Variants in ARSG observed in about 807,000 individuals in gnomAD.
ARSG encodes arylsulfatase G.
Under a neutral mutation model 50.5 loss-of-function variants are expected in ARSG, and 37 were observed. The ratio of observed to expected loss-of-function variants is 0.73; its 90% CI spans 0.56 to 0.96. The LOEUF is 0.96. Ranked by LOEUF, ARSG falls within the 50% of genes least tolerant of loss-of-function variation. ARSG has a pLI of 0.00. For missense variants in ARSG, 629 were observed against 675.3 expected (o/e 0.93, Z 0.76); for synonymous variants, 225 against 254.6 (o/e 0.88, Z 1.11).
chr17:68,357,354 C>T (rs1189675951), intron 6 of ARSG, among the ~76,000 whole-genome samples: 1 of 152,162 alleles, frequency 6.6e-6, no homozygotes, highest in African/African-American at 2.4e-5. Flanking sequence ...TCCTTCCTTG[C>T]CTTTTCCAGC....
At chr17:68,397,094 C>T (rs921353523) in intron 10 of ARSG, among the ~76,000 whole-genome samples, 2 of 152,212 alleles carry the variant, frequency 1.3e-5, no homozygotes, top group Non-Finnish European at 2.9e-5. Flanking sequence ...CATGTACTAA[C>T]TTCCTTTCTC....
chr17:68,284,998 C>T (rs73351335), intron 1 of ARSG, among the ~76,000 whole-genome samples: 28,642 of 152,158 alleles, frequency 0.19, 2,751 homozygotes, highest in Middle Eastern at 0.27. Context: ...CTATCAGGTG[C>T]CAGGTCCTCG....
chr17:68,450,585 C>A, the ARSG span: 2 of 1,123,212 alleles, frequency 1.8e-6, no homozygotes, highest in Non-Finnish European at 2.5e-6. Flanking sequence ...TTTACAATAC[C>A]CCCGGGACAC....
intron 1 of ARSG, among the ~76,000 whole-genome samples, chr17:68,260,193 A>G (rs555659702): frequency 3.3e-5 from 5 of 152,326 alleles, no homozygotes; most frequent in Non-Finnish European, 7.4e-5. Flanking sequence ...ATGAGGACAC[A>G]AGCCTGCAGC....
In ARSG at chr17:68,368,692, C is replaced by G; in HGVS notation, c.849C>G (p.Ile283Met). 1.2e-6 allele frequency: 2 copies of G among 1,614,022 alleles called. No individual in the cohort carries two copies. Among genetic ancestry groups the G allele is most frequent in the Non-Finnish European group, 1.7e-6 (2 of 1,179,990 alleles). Reference sequence around the variant, plus strand: ...AGATGGACAGTCTGGTGGGCCAGATCAAGGACAAAGTTGACCACACAGTGA... The same window carrying G: ...AGATGGACAGTCTGGTGGGCCAGATGAAGGACAAAGTTGACCACACAGTGA... The part of the protein sequence containing the change: ...LWEMDSLVGQ[I>M]KDKVDHTVKE... Residue 283 changes from isoleucine (I) to methionine (M), a missense_variant, in exon 7 of 12, where the codon ATC (isoleucine) becomes ATG (methionine). Coordinates refer to ENST00000621439, the MANE Select transcript of ARSG (RefSeq NM_001267727.2).
intron 9 of ARSG, among the ~76,000 whole-genome samples, chr17:68,389,825 C>T (rs1003649260): frequency 6.6e-6 from 1 of 152,070 alleles, no homozygotes; most frequent in Non-Finnish European, 1.5e-5. Flanking sequence ...GGATGCCTTC[C>T]ACCCCAGGGC....
intron 9 of ARSG, among the ~76,000 whole-genome samples, chr17:68,388,626 T>C (rs1403800290): frequency 1.3e-5 from 2 of 152,110 alleles, no homozygotes; most frequent in Non-Finnish European, 2.9e-5. Context: ...TGAAACAATC[T>C]TATTTGAAAA....
intron 2 of ARSG, among the ~76,000 whole-genome samples, chr17:68,318,434 G>A (rs1267262101): frequency 6.6e-6 from 1 of 152,236 alleles, no homozygotes; most frequent in African/African-American, 2.4e-5. Context: ...TCCTGGCTGG[G>A]TGGCTGGATT....
At position 68,343,489 on chromosome 17, in the gene ARSG, G is replaced by A. The variant is rs557907379; in HGVS notation, c.219-115G>A. ...CCATTTCCTGACTTGTTCCATGACT[G>A]GGTGATCTTTGATCTTTGAGCACTG... On this transcript the variant is annotated intron_variant, in intron 2 of 11. Transcript: ENST00000621439. 134 of 1,064,392 alleles carry A rather than the reference G, an allele frequency of 1.3e-4. 1 individual carries two copies. In the East Asian group the frequency reaches 3.3e-3, roughly 27 times the overall value. The allele number at this position is 1,064,392 out of a possible 1,614,324, so 65.9% of individuals were successfully genotyped here.
chr17:68,373,756 T>C (rs182977509), intron 8 of ARSG, among the ~76,000 whole-genome samples: 7 of 152,222 alleles, frequency 4.6e-5, no homozygotes, highest in Admixed American at 1.3e-4. Context: ...TGTATAGATC[T>C]TTTTGGTCCT....
intron 2 of ARSG, among the ~76,000 whole-genome samples, chr17:68,331,889 T>C (rs1230784091): frequency 6.6e-6 from 1 of 152,010 alleles, no homozygotes; most frequent in Non-Finnish European, 1.5e-5. Flanking sequence ...GTCACAGAGA[T>C]CACATGCTTC....
At chr17:68,345,409 C>G (rs1357151641) in intron 3 of ARSG, among the ~76,000 whole-genome samples, 1 of 152,238 alleles carries the variant, frequency 6.6e-6, no homozygotes, top group Non-Finnish European at 1.5e-5. Context: ...CTGGCTTCTT[C>G]TGGAGCTGAA....
the ARSG span, chr17:68,435,728 A>G: frequency 6.2e-7 from 1 of 1,611,186 alleles, no homozygotes; most frequent in Admixed American, 1.7e-5. Context: ...GGTGAAAAGG[A>G]AAAATGGATA....
chr17:68,308,994 G>A (rs2076728160), intron 2 of ARSG, among the ~76,000 whole-genome samples: 1 of 152,264 alleles, frequency 6.6e-6, no homozygotes, highest in South Asian at 2.1e-4. Context: ...GGCCGCACAG[G>A]AGCCCACGGA....
chr17:68,262,197 C>T (rs11653512), intron 1 of ARSG, among the ~76,000 whole-genome samples: 22,590 of 150,728 alleles, frequency 0.15, 1,788 homozygotes, highest in African/African-American at 0.18. Context: ...AAGGGCCGGG[C>T]GTAGTGGCTC....
At chr17:68,328,281 G>A (rs188574321) in intron 2 of ARSG, among the ~76,000 whole-genome samples, 1 of 152,112 alleles carries the variant, frequency 6.6e-6, no homozygotes, top group Non-Finnish European at 1.5e-5. Context: ...AACCTACTCT[G>A]TGCTGGATGC....
At chr17:68,346,179 T>C (rs2078495293) in intron 3 of ARSG, among the ~76,000 whole-genome samples, 2 of 152,120 alleles carry the variant, frequency 1.3e-5, no homozygotes, top group Admixed American at 1.3e-4. Flanking sequence ...TTGAGAGAAA[T>C]TGAGAGCCCA....
At chr17:68,302,733 T>A (rs1449633071) in intron 1 of ARSG, among the ~76,000 whole-genome samples, 1 of 152,192 alleles carries the variant, frequency 6.6e-6, no homozygotes, top group Non-Finnish European at 1.5e-5. Context: ...TAAAGCTGAT[T>A]GTCAACTAAA....
At chr17:68,444,250 G>T in the ARSG span, among the ~76,000 whole-genome samples, 46 of 152,240 alleles carry the variant, frequency 3.0e-4, no homozygotes, top group Admixed American at 2.7e-3. Context: ...TGCTGATATG[G>T]GTCCCAGACA....
Sources: gnomAD v4.1 joint callset for allele counts (sites outside exome capture counted in the v4.1 genomes callset) on GRCh38, gnomAD v4.1.1 for gene constraint, MANE v1.5 for transcripts, NCBI Gene and HGNC (gene_info 2026-07-23, HGNC 2026-07-21) for gene names.